The following GRIN3A variants were observed in gnomAD, a reference collection of about 807,000 sequenced individuals.
The protein encoded by GRIN3A is glutamate ionotropic receptor NMDA type subunit 3A.
A neutral mutation model predicts 92.4 loss-of-function variants in GRIN3A; 47 were observed. That is an observed-to-expected ratio of 0.51 (90% CI 0.40 to 0.65). The LOEUF is 0.65. Among genes scored for constraint, GRIN3A ranks in the 30% least tolerant of loss-of-function variants. The pLI is 0.00. For synonymous variants in GRIN3A, 527 were observed against 540.6 expected (o/e 0.97, Z 0.35); for missense variants, 1,324 against 1,393.1 (o/e 0.95, Z 0.79).
chr9:101,645,241 G>C (rs1293712878), intron 3 of GRIN3A, among the ~76,000 whole-genome samples: 1 of 151,752 alleles, frequency 6.6e-6, no homozygotes, highest in Non-Finnish European at 1.5e-5. Flanking sequence ...GTTGGAGTGA[G>C]AACATGTGAT....
intron 3 of GRIN3A, among the ~76,000 whole-genome samples, chr9:101,654,903 A>G (rs1211658169): frequency 6.6e-6 from 1 of 151,798 alleles, no homozygotes; most frequent in East Asian, 1.9e-4. Context: ...CTTGTCTGCT[A>G]TTGTATTCCT....
chr9:101,593,226 G>A (rs1051325316), intron 6 of GRIN3A: 1 of 152,236 alleles, frequency 6.6e-6, no homozygotes, highest in African/African-American at 2.4e-5. Context: ...AGAGACACAT[G>A]CATTCTGGAT....
chr9:101,583,877 G>T (rs1827919546), intron 6 of GRIN3A, among the ~76,000 whole-genome samples: 1 of 152,116 alleles, frequency 6.6e-6, no homozygotes, highest in South Asian at 2.1e-4. Context: ...GATTTTTTGA[G>T]ACAGAGTCTC....
intron 6 of GRIN3A, among the ~76,000 whole-genome samples, chr9:101,611,544 G>A (rs1039876044): frequency 6.6e-6 from 1 of 152,086 alleles, no homozygotes; most frequent in African/African-American, 2.4e-5. Context: ...TTTCACACCC[G>A]ATGTATGCTT....
intron 1 of GRIN3A, among the ~76,000 whole-genome samples, chr9:101,709,104 T>C (rs1331323419): frequency 6.6e-6 from 1 of 152,184 alleles, no homozygotes; most frequent in Non-Finnish European, 1.5e-5. Context: ...TTTGTTTTTT[T>C]TTTCTTCTCT....
chr9:101,724,855 G>C (rs1333995108), intron 1 of GRIN3A, among the ~76,000 whole-genome samples: 1 of 152,200 alleles, frequency 6.6e-6, no homozygotes, highest in Non-Finnish European at 1.5e-5. Flanking sequence ...CCAGTCTTGG[G>C]TATGTCTTCA....
intron 3 of GRIN3A, among the ~76,000 whole-genome samples, chr9:101,656,959 A>G (rs1165413277): frequency 2.6e-5 from 4 of 151,874 alleles, no homozygotes; most frequent in Admixed American, 2.6e-4. Flanking sequence ...GAAATTCATC[A>G]AACCGCCCAG....
intron 1 of GRIN3A, among the ~76,000 whole-genome samples, chr9:101,720,719 AG>A (rs1830001499): frequency 1.3e-5 from 2 of 152,240 alleles, no homozygotes; most frequent in Admixed American, 1.3e-4. Context: ...GATATATAAT[AG>A]AAAAATGCTT....
chr9:101,681,419 G>C (rs1829464376), intron 2 of GRIN3A, among the ~76,000 whole-genome samples: 1 of 152,174 alleles, frequency 6.6e-6, no homozygotes, highest in Non-Finnish European at 1.5e-5. Context: ...AAATGCCTTA[G>C]CTTGGCATAC....
At position 101,661,468 on chromosome 9, in the gene GRIN3A, T is replaced by C. The variant is rs139452576; in HGVS notation, c.2352+8592A>G. ...GCATGTACATATGCATATTACAAAATTGAAAATGTAGTATGTGGTTTTGTA... is the reference window on the plus strand; with the variant it reads ...GCATGTACATATGCATATTACAAAACTGAAAATGTAGTATGTGGTTTTGTA... On this transcript the variant is annotated intron_variant, in intron 3 of 8. Coordinates refer to ENST00000361820, the MANE Select transcript of GRIN3A (RefSeq NM_133445.3). 1.8e-3 allele frequency among the ~76,000 whole-genome samples: 281 copies of C among 151,948 alleles called. 1 individual carries two copies. Among genetic ancestry groups the C allele is most frequent in the Non-Finnish European group, 3.4e-3 (230 of 67,874 alleles).
chr9:101,727,916 T>A (rs540512398), intron 1 of GRIN3A, among the ~76,000 whole-genome samples: 1 of 150,904 alleles, frequency 6.6e-6, no homozygotes, highest in Non-Finnish European at 1.5e-5. Flanking sequence ...TCAGGTCACA[T>A]TGAAGCATTT....
intron 2 of GRIN3A, among the ~76,000 whole-genome samples, chr9:101,682,657 C>T (rs373948008): frequency 9.8e-4 from 149 of 152,328 alleles, no homozygotes; most frequent in African/African-American, 3.3e-3. Context: ...TAATATTCCA[C>T]CAATAATTGC....
chr9:101,732,208 T>A (rs1450868220), intron 1 of GRIN3A, among the ~76,000 whole-genome samples: 2 of 152,228 alleles, frequency 1.3e-5, no homozygotes, highest in Non-Finnish European at 2.9e-5. Context: ...TAGGTCAGTA[T>A]GAATCAACAC....
At chr9:101,675,818 A>C (rs1485826862) in intron 2 of GRIN3A, among the ~76,000 whole-genome samples, 2 of 152,006 alleles carry the variant, frequency 1.3e-5, no homozygotes, top group African/African-American at 4.8e-5. Flanking sequence ...ATGGGTGTAC[A>C]TTCTCTGTGA....
intron 1 of GRIN3A, among the ~76,000 whole-genome samples, chr9:101,694,607 T>C (rs376334665): frequency 3.0e-4 from 46 of 152,160 alleles, no homozygotes; most frequent in African/African-American, 1.1e-3. Flanking sequence ...CTTGAAAGCA[T>C]TTGACTCACT....
At chr9:101,696,387 G>A (rs1368648708) in intron 1 of GRIN3A, among the ~76,000 whole-genome samples, 1 of 152,210 alleles carries the variant, frequency 6.6e-6, no homozygotes, top group East Asian at 1.9e-4. Flanking sequence ...GCAGTAGGAT[G>A]TTAAAGCTAG....
At chr9:101,651,602 ATT>A (rs1354189417) in intron 3 of GRIN3A, among the ~76,000 whole-genome samples, 3 of 150,060 alleles carry the variant, frequency 2.0e-5, no homozygotes, top group Non-Finnish European at 4.4e-5. Flanking sequence ...TTGCTGGTTG[ATT>A]TGTTAATCTG....
At chr9:101,617,365 T>G (rs1588250958) in intron 5 of GRIN3A, among the ~76,000 whole-genome samples, 2 of 152,234 alleles carry the variant, frequency 1.3e-5, no homozygotes, top group East Asian at 3.9e-4. Flanking sequence ...AACTTCATAC[T>G]TATGATAAAT....
intron 3 of GRIN3A, among the ~76,000 whole-genome samples, chr9:101,662,121 CAG>C (rs973920006): frequency 6.6e-6 from 1 of 151,732 alleles, no homozygotes; most frequent in Non-Finnish European, 1.5e-5. Flanking sequence ...AAAATTAAAA[CAG>C]AGTGAACTAA....
Sources: gnomAD v4.1 joint callset for allele counts (sites outside exome capture counted in the v4.1 genomes callset) on GRCh38, gnomAD v4.1.1 for gene constraint, MANE v1.5 for transcripts, NCBI Gene and HGNC (gene_info 2026-07-23, HGNC 2026-07-21) for gene names.